Variants in PID1 observed in about 807,000 individuals in gnomAD.
The protein encoded by PID1 is phosphotyrosine interaction domain containing 1.
PID1 carries 10 observed loss-of-function variants against 19.1 expected under a neutral mutation model. That is an observed-to-expected ratio of 0.52 (90% CI 0.32 to 0.89). The LOEUF is 0.89. Among genes scored for constraint, PID1 ranks in the 40% least tolerant of loss-of-function variants. PID1 has a pLI of 0.03. For missense variants in PID1, 248 were observed against 285.3 expected (o/e 0.87, Z 0.94); for synonymous variants, 130 against 116.0 (o/e 1.12, Z -0.78).
At chr2:229,227,064 G>T (rs1346183688) in intron 1 of PID1, among the ~76,000 whole-genome samples, 1 of 151,990 alleles carries the variant, frequency 6.6e-6, no homozygotes, top group Non-Finnish European at 1.5e-5. Flanking sequence ...ACAAATAAAC[G>T]CAAACTAAAC....
At position 229,153,293 on chromosome 2, in the gene PID1, T is replaced by C. The variant is rs193247907; in HGVS notation, c.177+2525A>G. ...ATTTGGAGAATTACACGTTGCAGGT[T>C]TTCTTCCTTCAGATAGAATAATAAC... On this transcript the variant is annotated intron_variant, in intron 2 of 2. Coordinates refer to ENST00000392055, the MANE Select transcript of PID1 (RefSeq NM_001100818.2). Among the ~76,000 whole-genome samples, 570 of 152,364 alleles carry C rather than the reference T, an allele frequency of 3.7e-3. 3 individuals carry two copies. Among genetic ancestry groups the C allele is most frequent in the African/African-American group, 0.013 (520 of 41,578 alleles).
chr2:229,261,293 T>C lies in PID1; in HGVS notation c.30+9721A>G, dbSNP rs1690456854. On this transcript the variant is annotated intron_variant, in intron 1 of 2. Transcript: ENST00000392055. Reference sequence around the variant, plus strand: ...CACCCGGTTTGTGGTACTTTGCTATTGCAGCCCTAGGAACAAATACATTAA... The same window carrying C: ...CACCCGGTTTGTGGTACTTTGCTATCGCAGCCCTAGGAACAAATACATTAA... Among the ~76,000 whole-genome samples the C allele has an allele frequency of 1.3e-5, 2 of 152,168 alleles. 1 individual carries two copies. The highest frequency in any genetic ancestry group is 4.1e-4 in the South Asian group (2 of 4,824).
intron 2 of PID1, among the ~76,000 whole-genome samples, chr2:229,035,926 G>A (rs13001984): frequency 0.61 from 92,374 of 151,942 alleles, 28,279 homozygotes; most frequent in African/African-American, 0.69. Context: ...AAGGATTTTA[G>A]ATTATAATGC....
At chr2:229,038,265 GC>G (rs1269213400) in intron 2 of PID1, among the ~76,000 whole-genome samples, 3 of 152,132 alleles carry the variant, frequency 2.0e-5, no homozygotes, top group African/African-American at 4.8e-5. Flanking sequence ...ATTTGCAATA[GC>G]CAAAAACTAG....
At chr2:229,032,126 GT>G (rs1432527639) in intron 2 of PID1, among the ~76,000 whole-genome samples, 1 of 152,166 alleles carries the variant, frequency 6.6e-6, no homozygotes, top group Non-Finnish European at 1.5e-5. Context: ...GGGCCATGGA[GT>G]TCCCCCATCT....
At chr2:229,211,801 T>C (rs1457036766) in intron 1 of PID1, among the ~76,000 whole-genome samples, 2 of 152,244 alleles carry the variant, frequency 1.3e-5, no homozygotes, top group African/African-American at 4.8e-5. Context: ...ACAACACAGC[T>C]ATACACATCC....
intron 1 of PID1, among the ~76,000 whole-genome samples, chr2:229,251,956 A>G (rs909361838): frequency 6.6e-6 from 1 of 151,674 alleles, no homozygotes; most frequent in Non-Finnish European, 1.5e-5. Flanking sequence ...AAAAAAAAAA[A>G]AAAAAAAGAA....
chr2:229,222,722 T>C (rs1691998058), intron 1 of PID1, among the ~76,000 whole-genome samples: 1 of 152,216 alleles, frequency 6.6e-6, no homozygotes, highest in Non-Finnish European at 1.5e-5. Context: ...TGACTGTCTT[T>C]GAACCTTAGA....
At chr2:229,154,388 C>T (rs944600137) in intron 2 of PID1, among the ~76,000 whole-genome samples, 5 of 152,086 alleles carry the variant, frequency 3.3e-5, no homozygotes, top group African/African-American at 9.7e-5. Flanking sequence ...CCTATTCTTT[C>T]GCCTGAAAGA....
intron 2 of PID1, among the ~76,000 whole-genome samples, chr2:229,057,386 G>A (rs1050030657): frequency 6.6e-6 from 1 of 151,680 alleles, no homozygotes; most frequent in African/African-American, 2.4e-5. Flanking sequence ...AATCCAGGAG[G>A]CGGAGGTTGC....
chr2:229,259,993 G>A (rs1690413831), intron 1 of PID1, among the ~76,000 whole-genome samples: 2 of 152,138 alleles, frequency 1.3e-5, no homozygotes, highest in Non-Finnish European at 2.9e-5. Flanking sequence ...AGAAACTAAT[G>A]TCTGTAGTTT....
intron 1 of PID1, among the ~76,000 whole-genome samples, chr2:229,178,814 C>T (rs773355783): frequency 2.0e-5 from 3 of 151,994 alleles, no homozygotes; most frequent in African/African-American, 7.3e-5. Context: ...CTCTTGTGGT[C>T]TGGAGGAATC....
chr2:229,040,584 T>A (rs1231476825), intron 2 of PID1, among the ~76,000 whole-genome samples: 7 of 151,854 alleles, frequency 4.6e-5, no homozygotes, highest in Non-Finnish European at 1.0e-4. Context: ...GATACAAAAA[T>A]TAACACAATC....
chr2:229,107,662 G>A (rs945696164), intron 2 of PID1, among the ~76,000 whole-genome samples: 3 of 152,082 alleles, frequency 2.0e-5, no homozygotes, highest in Non-Finnish European at 2.9e-5. Context: ...AGTTGTCGAC[G>A]GTGCTTTTAT....
intron 1 of PID1, among the ~76,000 whole-genome samples, chr2:229,243,342 C>A (rs574740940): frequency 6.6e-6 from 1 of 152,206 alleles, no homozygotes; most frequent in East Asian, 1.9e-4. Flanking sequence ...TGGGTGGGGA[C>A]AGAGCCAAAC....
intron 1 of PID1, among the ~76,000 whole-genome samples, chr2:229,241,323 C>A (rs963457563): frequency 1.3e-5 from 2 of 152,092 alleles, no homozygotes; most frequent in Non-Finnish European, 2.9e-5. Flanking sequence ...AATAACAGGA[C>A]TATTGATTTG....
chr2:229,192,118 A>T (rs749863213), intron 1 of PID1, among the ~76,000 whole-genome samples: 57 of 152,352 alleles, frequency 3.7e-4, no homozygotes, highest in Non-Finnish European at 7.6e-4. Context: ...CAAACCAAAA[A>T]AATACAGAAA....
rs74468882 is a variant in PID1, at chr2:229,166,288, G to T, written c.31-10324C>A. Among the ~76,000 whole-genome samples, 1,504 of 152,278 alleles carry T rather than the reference G, an allele frequency of 9.9e-3. 20 individuals carry two copies. Among genetic ancestry groups the T allele is most frequent in the African/African-American group, 0.035 (1,434 of 41,562 alleles). On this transcript the variant is annotated intron_variant, in intron 1 of 2. Transcript: ENST00000392055. ...ATGGATAGTGACTGAGAGGAGATCA[G>T]TTGTTGCCTGGGGATAGTGAGGAAC...
At chr2:229,220,860 T>C (rs1309123203) in intron 1 of PID1, among the ~76,000 whole-genome samples, 1 of 152,208 alleles carries the variant, frequency 6.6e-6, no homozygotes, top group Non-Finnish European at 1.5e-5. Flanking sequence ...TACCAGTGCT[T>C]TATTCACTAC....
Sources: allele counts gnomAD v4.1 joint callset (sites outside exome capture counted in the v4.1 genomes callset), GRCh38; gene constraint gnomAD v4.1.1; transcripts MANE v1.5; gene names NCBI Gene and HGNC (gene_info 2026-07-23, HGNC 2026-07-21).